The following SPATA4 variants were observed in gnomAD, a reference collection of about 807,000 sequenced individuals.
The protein encoded by SPATA4 is spermatogenesis-associated protein 4.
Under a neutral mutation model 31.8 loss-of-function variants are expected in SPATA4, and 35 were observed. The observed-to-expected ratio is 1.10, with a 90% CI of 0.84 to 1.46. SPATA4 has a LOEUF of 1.46. Ranked by LOEUF, SPATA4 falls within the 40% of genes most tolerant of loss-of-function variation. SPATA4 has a pLI of 0.00. For missense variants in SPATA4, 394 were observed against 363.1 expected (o/e 1.09, Z -0.69); for synonymous variants, 126 against 132.4 (o/e 0.95, Z 0.33).
intron 4 of SPATA4, among the ~76,000 whole-genome samples, chr4:176,190,369 C>T (rs72706365): frequency 0.018 from 2,679 of 152,278 alleles, 39 homozygotes; most frequent in Middle Eastern, 0.071. Flanking sequence ...ATTATGGGAA[C>T]AGTGTTAACT....
intron 2 of SPATA4, 92 bp from the exon 3 acceptor site, chr4:176,193,168 C>T: frequency 1.1e-6 from 1 of 887,324 alleles, no homozygotes; most frequent in Non-Finnish European, 1.7e-6. Context: ...CTTTTATTTA[C>T]CTATGAAGTA....
intron 5 of SPATA4, among the ~76,000 whole-genome samples, chr4:176,186,158 A>T (rs2126920992): frequency 6.6e-6 from 1 of 152,370 alleles, no homozygotes; most frequent in Middle Eastern, 3.4e-3. Flanking sequence ...ACTCTTTAGC[A>T]ATTCAAATAT....
At chr4:176,191,451 G>A (rs748190502) in intron 4 of SPATA4, among the ~76,000 whole-genome samples, 1 of 152,208 alleles carries the variant, frequency 6.6e-6, no homozygotes, top group Non-Finnish European at 1.5e-5. Context: ...GTTACTCTTG[G>A]AAGGGAATGT....
chr4:176,192,991 A>G lies in SPATA4; in HGVS notation c.434T>C (p.Ile145Thr), dbSNP rs578217894. ...TGTTAATAAAGTGTAAACCTCTTCT[A>G]TCAATATTTCAGGCACTCCAGCTTT... is the stretch of plus-strand genomic sequence containing the variant. Reference protein sequence around the residue: ...HCKAGVPEILIEEVYTLLTHR... With the variant: ...HCKAGVPEILTEEVYTLLTHR... The change falls in exon 3 of 6, where the codon ATA (isoleucine) becomes ACA (threonine). Residue 145 changes from isoleucine (I) to threonine (T), a missense_variant. By Grantham distance (89) the Ile-to-Thr change is moderately conservative (BLOSUM62 -1). Transcript: ENST00000280191. The G allele has an allele frequency of 1.9e-6, 3 of 1,609,852 alleles. No homozygotes were observed. The highest frequency in any genetic ancestry group is 2.7e-5 in the African/African-American group (2 of 74,868).
rs1458920197 is a variant in SPATA4 at position 176,188,115 on chromosome 4, T to G, written c.805+4A>C. 12 of 1,599,536 alleles carry G rather than the reference T, an allele frequency of 7.5e-6. No homozygotes were observed. Among genetic ancestry groups the G allele is most frequent in the Non-Finnish European group, 9.4e-6 (11 of 1,168,228 alleles). On this transcript the variant is annotated splice_donor_region_variant and intron_variant, in intron 5 of 5. Coordinates refer to ENST00000280191, the MANE Select transcript of SPATA4 (RefSeq NM_144644.4). ...ATTTTAAGAAGCAAAGAGTTAAAAC[T>G]TACGTAAAACAGGGACAACTCTTCC... is the stretch of plus-strand genomic sequence containing the variant.
intron 1 of SPATA4, chr4:176,194,393 C>T (rs1752581840): frequency 6.6e-6 from 1 of 151,946 alleles, no homozygotes; most frequent in Admixed American, 6.6e-5. Flanking sequence ...GTGATAAGTG[C>T]TTAGTTAAGA....
At position 176,195,233 on chromosome 4, in the gene SPATA4, G is replaced by A. The variant is rs140824135; in HGVS notation, c.218+112C>T. On this transcript the variant is annotated intron_variant, in intron 1 of 5. Coordinates refer to ENST00000280191, the MANE Select transcript of SPATA4 (RefSeq NM_144644.4). ...TTCGTGTGTGTACGTGGGTGGGGGG[G>A]TCTTGATTTGAAACATAAGCCAGGC... The A allele has an allele frequency of 8.4e-5, 78 of 930,366 alleles. No individual in the cohort carries two copies. In the African/African-American group the frequency reaches 1.1e-3, roughly 14 times the overall value. 57.6% of individuals were successfully genotyped at this position (930,366 alleles called of 1,614,324 possible). A position where few individuals can be genotyped will look rare whatever the true frequency, so the allele number is the denominator to read the frequency against.
At chr4:176,191,381 A>G (rs1752529724) in intron 4 of SPATA4, among the ~76,000 whole-genome samples, 1 of 152,240 alleles carries the variant, frequency 6.6e-6, no homozygotes, top group African/African-American at 2.4e-5. Context: ...GGCGTGAGCC[A>G]CCGCACCCGG....
At chr4:176,189,434 G>C (rs1484174886) in intron 4 of SPATA4, among the ~76,000 whole-genome samples, 30 of 149,242 alleles carry the variant, frequency 2.0e-4, no homozygotes, top group Non-Finnish European at 1.5e-5. Flanking sequence ...AGATAGGTAA[G>C]ATGAAAAGAA....
In SPATA4 at chr4:176,192,993, C is replaced by T. The variant is rs370786615; in HGVS notation, c.432G>A (p.Leu144=). 2 of 1,609,882 alleles carry T rather than the reference C, an allele frequency of 1.2e-6. No homozygotes were observed. Among genetic ancestry groups the T allele is most frequent in the Non-Finnish European group, 1.7e-6 (2 of 1,178,698 alleles). The change falls in exon 3 of 6, where the codon TTG becomes TTA. Residue 144 remains leucine (L), a synonymous_variant. Coordinates refer to ENST00000280191, the MANE Select transcript of SPATA4 (RefSeq NM_144644.4). ...IHCKAGVPEI[L]IEEVYTLLTH... is the part of the protein sequence containing the mutation. The stretch of plus-strand genomic sequence containing the variant: ...TTAATAAAGTGTAAACCTCTTCTAT[C>T]AATATTTCAGGCACTCCAGCTTTAC...
chr4:176,189,411 C>A, intron 4 of SPATA4, among the ~76,000 whole-genome samples: 1 of 148,252 alleles, frequency 6.7e-6, no homozygotes, highest in Non-Finnish European at 1.5e-5. Flanking sequence ...AAAACTTAGT[C>A]CAAAAGAAGA....
At chr4:176,191,757 A>G (rs969798467) in intron 4 of SPATA4, among the ~76,000 whole-genome samples, 20 of 152,206 alleles carry the variant, frequency 1.3e-4, no homozygotes, top group Admixed American at 8.5e-4. Context: ...AAAACAAAAT[A>G]TAAGAGATGG....
chr4:176,195,554 G>A lies in SPATA4; in HGVS notation c.9C>T (p.Ala3=), dbSNP rs756780103. MA[A]AGQEKGYLTQ... ...TCAAATACCCTTTTTCCTGGCCGGC[G>A]GCAGCCATGACGCTTTCTGGGTTGC... The change falls in exon 1 of 6, where the codon GCC becomes GCT. Residue 3 remains alanine (A), a synonymous_variant. Coordinates refer to ENST00000280191, the MANE Select transcript of SPATA4 (RefSeq NM_144644.4). 21 of 1,613,932 alleles carry A rather than the reference G, an allele frequency of 1.3e-5. No homozygotes were observed. Among genetic ancestry groups the A allele is most frequent in the East Asian group, 2.2e-5 (1 of 44,888 alleles).
chr4:176,191,095 GA>G (rs1412846065), intron 4 of SPATA4, among the ~76,000 whole-genome samples: 12 of 87,974 alleles, frequency 1.4e-4, no homozygotes, highest in African/African-American at 4.8e-4. Context: ...AGTATGTATA[GA>G]TTTTTTTTTT....
intron 5 of SPATA4, among the ~76,000 whole-genome samples, chr4:176,185,794 A>G (rs896907486): frequency 1.3e-5 from 2 of 152,236 alleles, no homozygotes; most frequent in South Asian, 2.1e-4. Context: ...GAATCCAAGT[A>G]TATTATCTGG....
In SPATA4 at chr4:176,187,641, G is replaced by A. The variant is rs576551338; in HGVS notation, c.805+478C>T. On this transcript the variant is annotated intron_variant, in intron 5 of 5. Coordinates refer to ENST00000280191, the MANE Select transcript of SPATA4 (RefSeq NM_144644.4). ...AAAGTAAAAACTATTTTTAACTTGT[G>A]AACTATACAAAAACAGGCAACAGGC... Among the ~76,000 whole-genome samples, 250 of 152,276 alleles carry A rather than the reference G, an allele frequency of 1.6e-3. 2 individuals are homozygous for A. The highest frequency in any genetic ancestry group is 5.9e-3 in the African/African-American group (245 of 41,566).
chr4:176,190,828 G>A (rs1752516273), intron 4 of SPATA4, among the ~76,000 whole-genome samples: 1 of 151,984 alleles, frequency 6.6e-6, no homozygotes. Flanking sequence ...TGTGTGATTA[G>A]ATCAGGTCTG....
chr4:176,193,229 A>G (rs1752560820), intron 2 of SPATA4, among the ~76,000 whole-genome samples, 153 bp from the exon 3 acceptor site: 1 of 152,206 alleles, frequency 6.6e-6, no homozygotes, highest in Admixed American at 6.5e-5. Context: ...CAGCAGGAAA[A>G]CCAATCAGTA....
Position 176,195,400 on chromosome 4 carries a change from C to A in SPATA4, c.163G>T (p.Val55Phe). The change falls in exon 1 of 6, where the codon GTT becomes TTT. Residue 55 changes from valine to phenylalanine, a missense_variant. Physicochemically the swap from Val to Phe is conservative, Grantham distance 50. Coordinates refer to ENST00000280191, the MANE Select transcript of SPATA4 (RefSeq NM_144644.4). ...APKSSRLSRS[V>F]LRWLQGLDLS... ...TCCAGACCCTGAAGCCAACGCAGAA[C>A]GGAACGAGACAAGCGGGAGCTCTTC... 1 of 1,614,240 alleles carries A rather than the reference C, an allele frequency of 6.2e-7. No homozygotes were observed.
Sources: gnomAD v4.1 joint callset for allele counts (sites outside exome capture counted in the v4.1 genomes callset) on GRCh38, gnomAD v4.1.1 for gene constraint, MANE v1.5 for transcripts, NCBI Gene and HGNC (gene_info 2026-07-23, HGNC 2026-07-21) for gene names.